GRIP1: variants seen among roughly 807,000 people sequenced by gnomAD.
The protein encoded by GRIP1 is glutamate receptor interacting protein 1.
A neutral mutation model predicts 129.9 loss-of-function variants in GRIP1; 45 were observed. The ratio of observed to expected loss-of-function variants is 0.35; its 90% CI spans 0.27 to 0.44. GRIP1 has a LOEUF of 0.44. Ranked by LOEUF, GRIP1 falls within the 20% of genes least tolerant of loss-of-function variation. GRIP1 has a pLI of 1.00. For synonymous variants in GRIP1, 530 were observed against 520.8 expected (o/e 1.02, Z -0.24); for missense variants, 1,196 against 1,396.8 (o/e 0.86, Z 2.29).
intron 8 of GRIP1, among the ~76,000 whole-genome samples, chr12:66,464,254 T>G (rs2059218536): frequency 6.6e-6 from 1 of 152,106 alleles, no homozygotes; most frequent in Non-Finnish European, 1.5e-5. Flanking sequence ...GGAGATGAGG[T>G]TTTTCTTACC....
intron 19 of GRIP1, among the ~76,000 whole-genome samples, chr12:66,389,860 C>T (rs1185839718): frequency 1.3e-5 from 2 of 151,984 alleles, no homozygotes; most frequent in African/African-American, 4.8e-5. Context: ...GTCCACAGGA[C>T]GATACAGATA....
intron 1 of GRIP1, among the ~76,000 whole-genome samples, chr12:66,671,706 T>G (rs2034090308): frequency 1.3e-5 from 2 of 152,210 alleles, no homozygotes; most frequent in Non-Finnish European, 2.9e-5. Context: ...TCTCTCATCT[T>G]TGCTTTGGTT....
intron 1 of GRIP1, among the ~76,000 whole-genome samples, chr12:66,784,376 C>T (rs1357187837): frequency 6.6e-6 from 1 of 152,160 alleles, no homozygotes; most frequent in Non-Finnish European, 1.5e-5. Context: ...TCTTCACATG[C>T]ATCATTTCAT....
intron 1 of GRIP1, among the ~76,000 whole-genome samples, chr12:66,868,480 C>T (rs907278404): frequency 5.9e-5 from 9 of 151,954 alleles, no homozygotes; most frequent in Admixed American, 4.6e-4. Flanking sequence ...TGTAGCCCCA[C>T]GAACTTAAGA....
intron 1 of GRIP1, among the ~76,000 whole-genome samples, chr12:66,929,822 T>C (rs186453551): frequency 6.8e-4 from 103 of 152,330 alleles, no homozygotes; most frequent in Non-Finnish European, 6.2e-4. Flanking sequence ...AGTCCTTCAC[T>C]TCTGTCACCT....
chr12:66,690,916 G>C (rs1343853945), intron 1 of GRIP1, among the ~76,000 whole-genome samples: 2 of 151,448 alleles, frequency 1.3e-5, no homozygotes, highest in Admixed American at 6.6e-5. Flanking sequence ...CTGGGCAATA[G>C]AGCAAGACCC....
intron 1 of GRIP1, among the ~76,000 whole-genome samples, chr12:67,019,491 A>C (rs938239558): frequency 2.6e-5 from 4 of 152,216 alleles, no homozygotes; most frequent in Non-Finnish European, 5.9e-5. Context: ...AAAAATAGTC[A>C]CTGAAAAGTC....
chr12:66,850,033 C>T (rs1767384786), intron 1 of GRIP1, among the ~76,000 whole-genome samples: 1 of 152,098 alleles, frequency 6.6e-6, no homozygotes, highest in Non-Finnish European at 1.5e-5. Context: ...TCTTAAGTCC[C>T]TTTTCCATGT....
intron 1 of GRIP1, among the ~76,000 whole-genome samples, chr12:66,722,861 T>C (rs534303068): frequency 1.6e-4 from 24 of 152,270 alleles, no homozygotes; most frequent in Non-Finnish European, 2.4e-4. Context: ...TAGAATTCTA[T>C]CCCCAGTCAC....
intron 1 of GRIP1, among the ~76,000 whole-genome samples, chr12:67,040,528 A>G (rs2043161169): frequency 6.6e-6 from 1 of 152,170 alleles, no homozygotes; most frequent in South Asian, 2.1e-4. Flanking sequence ...GACTCCACTC[A>G]GGTGTCCCTT....
In GRIP1 at chr12:66,539,101, A is replaced by C. The variant is rs781567253; in HGVS notation, c.395T>G (p.Val132Gly). 3 of 1,613,898 alleles carry C rather than the reference A, an allele frequency of 1.9e-6. No individual in the cohort carries two copies. In the African/African-American group the frequency reaches 4.0e-5, roughly 22 times the overall value. The change falls in exon 4 of 25, where the codon GTA becomes GGA. Residue 132 changes from valine (V) to glycine (G), a missense_variant. Coordinates refer to ENST00000359742, the MANE Select transcript of GRIP1 (RefSeq NM_001366722.1). Reference protein sequence around the residue: ...KNVGERVVLEVEYELPPVSVQ... With the variant: ...KNVGERVVLEGEYELPPVSVQ... Reference sequence around the variant, plus strand: ...ACAGACCGGTGGAAGCTCGTACTCTACTTCAAGAACCACTCTTTCTCCCAC... The same window carrying C: ...ACAGACCGGTGGAAGCTCGTACTCTCCTTCAAGAACCACTCTTTCTCCCAC...
At chr12:67,020,364 A>C (rs1182231249) in intron 1 of GRIP1, among the ~76,000 whole-genome samples, 1 of 152,212 alleles carries the variant, frequency 6.6e-6, no homozygotes, top group East Asian at 1.9e-4. Context: ...GGAATTGTCA[A>C]CTTAAACTGT....
intron 1 of GRIP1, among the ~76,000 whole-genome samples, chr12:66,951,237 T>C (rs1218697291): frequency 6.6e-6 from 1 of 152,230 alleles, no homozygotes; most frequent in Non-Finnish European, 1.5e-5. Flanking sequence ...GATATAGTAA[T>C]ATTTTACTGA....
Position 66,428,131 on chromosome 12 carries a change from C to T in GRIP1, c.1768+4417G>A, listed in dbSNP as rs543142257. 3.5e-4 allele frequency among the ~76,000 whole-genome samples: 54 copies of T among 152,240 alleles called. 1 individual carries two copies. In the South Asian group the frequency reaches 0.01, roughly 29 times the overall value. ...ATTTTCTGTATGCTGGGCAAGTGGA[C>T]CCAAGTTTGGTTTGGTAACATTTTG... On this transcript the variant is annotated intron_variant, in intron 14 of 24. Coordinates refer to ENST00000359742, the MANE Select transcript of GRIP1 (RefSeq NM_001366722.1).
At chr12:66,531,262 T>A (rs1463930567) in intron 4 of GRIP1, among the ~76,000 whole-genome samples, 22 of 8,788 alleles carry the variant, frequency 2.5e-3, no homozygotes, top group South Asian at 6.4e-3. Flanking sequence ...AATATATATA[T>A]ATATATATAT....
intron 1 of GRIP1, among the ~76,000 whole-genome samples, chr12:66,731,400 G>A (rs541694428): frequency 2.0e-5 from 3 of 152,230 alleles, no homozygotes; most frequent in Admixed American, 1.3e-4. Context: ...TAGGGACTGT[G>A]GGATGAAGGT....
chr12:66,551,028 GA>G (rs1269206527), intron 2 of GRIP1, among the ~76,000 whole-genome samples: 1 of 152,200 alleles, frequency 6.6e-6, no homozygotes, highest in Non-Finnish European at 1.5e-5. Context: ...TGACATGATT[GA>G]AAATCGGAGT....
intron 19 of GRIP1, among the ~76,000 whole-genome samples, chr12:66,389,016 G>A (rs535259528): frequency 2.0e-4 from 31 of 152,238 alleles, no homozygotes; most frequent in African/African-American, 7.0e-4. Flanking sequence ...TCGATTTCCA[G>A]CCCCAGGAGG....
chr12:66,528,739 G>A (rs2061347541), intron 5 of GRIP1, among the ~76,000 whole-genome samples: 1 of 152,122 alleles, frequency 6.6e-6, no homozygotes, highest in Non-Finnish European at 1.5e-5. Context: ...AATTGACAAG[G>A]TTTATAAACA....
Sources: allele counts gnomAD v4.1 joint callset (sites outside exome capture counted in the v4.1 genomes callset), GRCh38; gene constraint gnomAD v4.1.1; transcripts MANE v1.5; gene names NCBI Gene and HGNC (gene_info 2026-07-23, HGNC 2026-07-21).